BMAL1: variants seen among roughly 807,000 people sequenced by gnomAD.
The protein encoded by BMAL1 is basic helix-loop-helix ARNT like 1.
the BMAL1 span, among the ~76,000 whole-genome samples, chr11:13,346,565 C>A: frequency 6.6e-6 from 1 of 152,196 alleles, no homozygotes; most frequent in Admixed American, 6.5e-5. Context: ...AGGCCTCTCT[C>A]GACAGGGCAG....
the BMAL1 span, chr11:13,356,337 G>A: frequency 2.1e-6 from 1 of 473,072 alleles, no homozygotes; most frequent in African/African-American, 2.0e-5. Context: ...TGCTCAATAT[G>A]TTTTGCAAAC....
At chr11:13,278,768 C>A in the BMAL1 span, among the ~76,000 whole-genome samples, 374 of 152,346 alleles carry the variant, frequency 2.5e-3, 3 homozygotes, top group Non-Finnish European at 3.7e-3. Context: ...CCGCGGAGGG[C>A]GCAGCGAGCC....
At chr11:13,350,239 G>A in the BMAL1 span, among the ~76,000 whole-genome samples, 1 of 152,186 alleles carries the variant, frequency 6.6e-6, no homozygotes, top group Admixed American at 6.5e-5. Context: ...GGGGATTCTG[G>A]AGGTACTTCA....
chr11:13,335,438 T>C, the BMAL1 span, among the ~76,000 whole-genome samples: 3 of 152,140 alleles, frequency 2.0e-5, no homozygotes, highest in Non-Finnish European at 1.5e-5. Flanking sequence ...GCGCCCCCTA[T>C]AGGACATCGT....
the BMAL1 span, among the ~76,000 whole-genome samples, chr11:13,279,528 T>C: frequency 3.3e-4 from 50 of 152,340 alleles, 1 homozygote; most frequent in African/African-American, 1.2e-3. Context: ...AAATAATCAT[T>C]GCTGCTCCTG....
the BMAL1 span, among the ~76,000 whole-genome samples, chr11:13,298,963 A>C: frequency 6.6e-6 from 1 of 152,128 alleles, no homozygotes; most frequent in African/African-American, 2.4e-5. Context: ...TGGCCTGTTC[A>C]GATTTGTATC....
chr11:13,312,002 GCTCTGAGTATTTTGAGTGTAC>G, the BMAL1 span, among the ~76,000 whole-genome samples: 1 of 152,286 alleles, frequency 6.6e-6, no homozygotes, highest in African/African-American at 2.4e-5. Context: ...ATCAATTTGT[GCTCTGAGTATTTTGAGTGTAC>G]CTTCTTTGGT....
the BMAL1 span, among the ~76,000 whole-genome samples, chr11:13,288,019 A>G: frequency 6.6e-6 from 1 of 152,230 alleles, no homozygotes; most frequent in Non-Finnish European, 1.5e-5. Flanking sequence ...AGAACTGGTC[A>G]GGTTTTCACC....
the BMAL1 span, chr11:13,381,028 A>G: frequency 2.6e-6 from 2 of 766,494 alleles, no homozygotes; most frequent in Admixed American, 2.3e-5. Context: ...AGAGCCTACT[A>G]TCTGGCCCCT....
the BMAL1 span, among the ~76,000 whole-genome samples, chr11:13,355,731 G>A: frequency 1.3e-5 from 2 of 152,186 alleles, no homozygotes; most frequent in East Asian, 1.9e-4. Flanking sequence ...CCTTCCGTGC[G>A]GCCTGCGTGA....
the BMAL1 span, among the ~76,000 whole-genome samples, chr11:13,311,767 G>C: frequency 2.0e-5 from 3 of 152,240 alleles, no homozygotes; most frequent in East Asian, 5.8e-4. Flanking sequence ...GCTCCCTTTT[G>C]AGGTGTGGTG....
the BMAL1 span, chr11:13,356,307 G>A: frequency 6.3e-5 from 29 of 461,810 alleles, no homozygotes; most frequent in Non-Finnish European, 1.1e-4. Flanking sequence ...AAATAGATAT[G>A]TATGCACATT....
At chr11:13,374,801 T>C in the BMAL1 span, among the ~76,000 whole-genome samples, 8 of 152,182 alleles carry the variant, frequency 5.3e-5, no homozygotes, top group Non-Finnish European at 8.8e-5. Flanking sequence ...TTGAGCCTGG[T>C]AACATCAGCC....
At chr11:13,378,706 T>C in the BMAL1 span, 1 of 426,780 alleles carries the variant, frequency 2.3e-6, no homozygotes, top group Non-Finnish European at 4.1e-6. Context: ...GATTAAGAAA[T>C]CCTGCCTTAA....
the BMAL1 span, among the ~76,000 whole-genome samples, chr11:13,308,032 C>G: frequency 2.0e-5 from 3 of 151,892 alleles, no homozygotes. Context: ...AAGCAGGGCA[C>G]CAATTAGGAG....
chr11:13,299,188 T>C, the BMAL1 span, among the ~76,000 whole-genome samples: 1 of 152,184 alleles, frequency 6.6e-6, no homozygotes, highest in Non-Finnish European at 1.5e-5. Flanking sequence ...CAGTGGTATA[T>C]TTAGAGCAAA....
At chr11:13,360,240 A>G in the BMAL1 span, 1 of 918,648 alleles carries the variant, frequency 1.1e-6, no homozygotes, top group Non-Finnish European at 1.7e-6. Context: ...TTTAAATACC[A>G]GGTCATAGAG....
At chr11:13,360,205 C>A in the BMAL1 span, 1 of 649,268 alleles carries the variant, frequency 1.5e-6, no homozygotes, top group African/African-American at 1.8e-5. Flanking sequence ...CTAGGCTCAT[C>A]TCAGTTAAGG....
chr11:13,375,485 G>A, the BMAL1 span: 4 of 742,718 alleles, frequency 5.4e-6, no homozygotes, highest in African/African-American at 1.8e-5. Context: ...GACCACTGCA[G>A]TTTCCTTGGC....
Sources: gnomAD v4.1 joint callset for allele counts (sites outside exome capture counted in the v4.1 genomes callset) on GRCh38, gnomAD v4.1.1 for gene constraint, MANE v1.5 for transcripts, NCBI Gene and HGNC (gene_info 2026-07-23, HGNC 2026-07-21) for gene names.